The following ORC4 variants were observed in gnomAD, a reference collection of about 807,000 sequenced individuals.
ORC4 encodes the protein origin recognition complex, subunit 4 homolog.
A neutral mutation model predicts 63.9 loss-of-function variants in ORC4; 55 were observed. The ratio of observed to expected loss-of-function variants is 0.86; its 90% CI spans 0.69 to 1.08. The LOEUF is 1.08. ORC4 is among the 50% of genes least tolerant of loss of function. The pLI, the probability that ORC4 is intolerant of heterozygous loss-of-function variation, is 0.00. For missense variants in ORC4, 511 were observed against 504.4 expected (o/e 1.01, Z -0.13); for synonymous variants, 150 against 168.5 (o/e 0.89, Z 0.85).
In ORC4 at chr2:147,931,772, A is replaced by ACTC. The variant is rs1687754681; in HGVS notation, c.*3735_*3737dup. ...AATTCAACAACCCTTCATGCTAAAA[A>ACTC]CTCTCAATAAATTAGGGATTGATGG... On this transcript the variant is annotated 3_prime_UTR_variant, in exon 14 of 14. Transcript: ENST00000392857. The ACTC allele has an allele frequency of 6.6e-6, 1 of 151,814 alleles. No individual in the cohort carries two copies. The highest frequency in any genetic ancestry group is 1.5e-5 in the Non-Finnish European group (1 of 68,008). 9.4% of individuals were successfully genotyped at this position (151,814 alleles called of 1,614,324 possible).
In ORC4 at chr2:147,952,375, A is replaced by C; in HGVS notation, c.586T>G (p.Leu196Val). Residue 196 changes from leucine (L) to valine (V), a missense_variant and splice_region_variant, in exon 8 of 14, where the codon TTG (leucine) becomes GTG (valine). Physicochemically the swap from Leu to Val is conservative, Grantham distance 32. Transcript: ENST00000392857. ...TTTTAATGAACAGAAAGACTTACCA[A>C]TCTACATGTAAGACCAATAACTGCT... is the stretch of plus-strand genomic sequence containing the variant. ...PIAVIGLTCR[L>V]DILELLEKRV... 2 of 1,597,488 alleles carry C rather than the reference A, an allele frequency of 1.3e-6. No homozygotes were observed. Among genetic ancestry groups the C allele is most frequent in the Non-Finnish European group, 1.7e-6 (2 of 1,166,188 alleles).
At chr2:147,983,770 A>C (rs1691026389) in intron 1 of ORC4, among the ~76,000 whole-genome samples, 2 of 152,238 alleles carry the variant, frequency 1.3e-5, no homozygotes, top group Admixed American at 6.5e-5. Flanking sequence ...CTACAAAGCC[A>C]ATCAAGAAAA....
intron 1 of ORC4, among the ~76,000 whole-genome samples, chr2:147,978,770 T>C (rs889055355): frequency 6.6e-6 from 1 of 152,156 alleles, no homozygotes; most frequent in Non-Finnish European, 1.5e-5. Context: ...CATGATCAAG[T>C]GGGATTTATC....
At chr2:147,983,858 G>C (rs1397049090) in intron 1 of ORC4, among the ~76,000 whole-genome samples, 1 of 152,168 alleles carries the variant, frequency 6.6e-6, no homozygotes, top group Non-Finnish European at 1.5e-5. Context: ...AGAAATTCAA[G>C]AGCTAACAGA....
intron 1 of ORC4, among the ~76,000 whole-genome samples, chr2:147,995,459 C>T (rs951614653): frequency 1.3e-5 from 2 of 152,182 alleles, no homozygotes; most frequent in Non-Finnish European, 2.9e-5. Context: ...CCCGAGTCAG[C>T]AGTGGCAACC....
chr2:147,969,154 G>A (rs1203861478), intron 4 of ORC4, among the ~76,000 whole-genome samples: 2 of 152,032 alleles, frequency 1.3e-5, no homozygotes, highest in Non-Finnish European at 2.9e-5. Flanking sequence ...GGGATAGTGA[G>A]AGATTCAATA....
chr2:148,011,919 T>A (rs1031510677), intron 1 of ORC4, among the ~76,000 whole-genome samples: 1 of 152,052 alleles, frequency 6.6e-6, no homozygotes, highest in Non-Finnish European at 1.5e-5. Flanking sequence ...CAATGCAAAC[T>A]ATCAAACATT....
intron 2 of ORC4, among the ~76,000 whole-genome samples, chr2:147,974,806 T>C (rs1401174040): frequency 8.3e-6 from 1 of 121,200 alleles, no homozygotes; most frequent in Non-Finnish European, 1.7e-5. Context: ...AATCTTTTCC[T>C]TAAAAAAAAA....
rs539539058 is a variant in ORC4 at position 148,005,277 on chromosome 2, A to G, written c.-18+15356T>C. On this transcript the variant is annotated intron_variant, in intron 1 of 13. Coordinates refer to ENST00000392857, the MANE Select transcript of ORC4 (RefSeq NM_181741.4). ...TGCAGGGACACGGATGAAGCTGGAA[A>G]CCATTATTCTCAGCAAACTAATACA... 5.0e-3 allele frequency among the ~76,000 whole-genome samples: 756 copies of G among 152,216 alleles called. 8 individuals are homozygous for G. Among genetic ancestry groups the G allele is most frequent in the African/African-American group, 0.018 (734 of 41,516 alleles).
At chr2:147,984,538 G>T (rs1022024814) in intron 1 of ORC4, among the ~76,000 whole-genome samples, 1 of 152,106 alleles carries the variant, frequency 6.6e-6, no homozygotes, top group South Asian at 2.1e-4. Context: ...GGGAGGGGGT[G>T]TTTCGACCCC....
chr2:148,007,833 G>T (rs1692722665), intron 1 of ORC4, among the ~76,000 whole-genome samples: 1 of 152,116 alleles, frequency 6.6e-6, no homozygotes, highest in South Asian at 2.1e-4. Context: ...CAAAAGAAAA[G>T]AAGTAACTTC....
At position 147,932,921 on chromosome 2, in the gene ORC4, AT is replaced by A. The variant is rs1313463342; in HGVS notation, c.*2588del. The stretch of plus-strand genomic sequence containing the variant: ...CGGTGTTTTCTGCAAAACGTGATTC[AT>A]TAGGACATTAACAGGTATTACGTTT... On this transcript the variant is annotated 3_prime_UTR_variant, in exon 14 of 14. Transcript: ENST00000392857. 6.6e-6 allele frequency: 1 copy of A among 152,130 alleles called. No homozygotes were observed. Among genetic ancestry groups the A allele is most frequent in the East Asian group, 1.9e-4 (1 of 5,192 alleles). The allele number at this position is 152,130 out of a possible 1,614,324, so 9.4% of individuals were successfully genotyped here.
At chr2:147,964,714 C>T (rs7602296) in intron 4 of ORC4, among the ~76,000 whole-genome samples, 20,676 of 152,038 alleles carry the variant, frequency 0.14, 1,704 homozygotes, top group Middle Eastern at 0.21. Context: ...ATAAGGGAAT[C>T]CCTATTATAC....
chr2:147,954,392 A>G (rs1689132972), intron 7 of ORC4, among the ~76,000 whole-genome samples: 1 of 152,216 alleles, frequency 6.6e-6, no homozygotes, highest in African/African-American at 2.4e-5. Flanking sequence ...TAGATGGTAT[A>G]GCCTACTAGA....
intron 9 of ORC4, among the ~76,000 whole-genome samples, chr2:147,945,875 C>A (rs777723213): frequency 6.6e-6 from 1 of 152,044 alleles, no homozygotes; most frequent in Non-Finnish European, 1.5e-5. Flanking sequence ...ATGGTGCTGA[C>A]AGATTTTTCA....
rs1369158702 is a variant in ORC4 at position 147,972,462 on chromosome 2, G to A, written c.225+277C>T. Among the ~76,000 whole-genome samples the A allele has an allele frequency of 4.0e-5, 6 of 151,834 alleles. No homozygotes were observed. The East Asian group carries it at 9.6e-4, about 24-fold the overall frequency. On this transcript the variant is annotated intron_variant, in intron 4 of 13. Coordinates refer to ENST00000392857, the MANE Select transcript of ORC4 (RefSeq NM_181741.4). Reference sequence around the variant, plus strand: ...AATCTCTACTTCTTTAAGGACAAAAGACCATGTTGGAACAAACATCAATTG... The same window carrying A: ...AATCTCTACTTCTTTAAGGACAAAAAACCATGTTGGAACAAACATCAATTG...
At chr2:147,946,601 C>A (rs899272301) in intron 9 of ORC4, among the ~76,000 whole-genome samples, 1 of 151,894 alleles carries the variant, frequency 6.6e-6, no homozygotes, top group South Asian at 2.1e-4. Flanking sequence ...TTGAAATACC[C>A]GAGTCTCAGG....
intron 1 of ORC4, among the ~76,000 whole-genome samples, chr2:148,003,759 A>T (rs187616144): frequency 1.3e-5 from 2 of 152,332 alleles, no homozygotes; most frequent in East Asian, 1.9e-4. Context: ...AGTTCTGGCC[A>T]GGGCAATCAG....
In ORC4 at chr2:148,006,666, C is replaced by T. The variant is rs377157795; in HGVS notation, c.-18+13967G>A. On this transcript the variant is annotated intron_variant, in intron 1 of 13. Coordinates refer to ENST00000392857, the MANE Select transcript of ORC4 (RefSeq NM_181741.4). ...CTCCGGGATGGCATTTATAGATTGA[C>T]CCTAGGCAGGAAGGGAATGGCTGCC... Among the ~76,000 whole-genome samples, 4 of 152,256 alleles carry T rather than the reference C, an allele frequency of 2.6e-5. No homozygotes were observed. In the South Asian group the frequency reaches 6.2e-4, roughly 24 times the overall value.
Sources: allele counts gnomAD v4.1 joint callset (sites outside exome capture counted in the v4.1 genomes callset), GRCh38; gene constraint gnomAD v4.1.1; transcripts MANE v1.5; gene names NCBI Gene and HGNC (gene_info 2026-07-23, HGNC 2026-07-21).